ANKRD46: variants seen among roughly 807,000 people sequenced by gnomAD.
The protein encoded by ANKRD46 is ankyrin repeat domain-containing protein 46.
A neutral mutation model predicts 19.8 loss-of-function variants in ANKRD46; 13 were observed. The ratio of observed to expected loss-of-function variants is 0.66; its 90% CI spans 0.43 to 1.04. ANKRD46 has a LOEUF of 1.04. Ranked by LOEUF, ANKRD46 falls within the 50% of genes least tolerant of loss-of-function variation. ANKRD46 has a pLI of 0.00. For missense variants in ANKRD46, 185 were observed against 274.8 expected (o/e 0.67, Z 2.31); for synonymous variants, 91 against 106.9 (o/e 0.85, Z 0.92).
chr8:100,542,175 A>G (rs576476514), intron 1 of ANKRD46, among the ~76,000 whole-genome samples: 2 of 152,260 alleles, frequency 1.3e-5, no homozygotes, highest in South Asian at 2.1e-4. Flanking sequence ...GTGTGAAGCT[A>G]TGCAAATCAC....
chr8:100,515,294 T>TG (rs1237275716), intron 5 of ANKRD46, among the ~76,000 whole-genome samples: 1 of 152,212 alleles, frequency 6.6e-6, no homozygotes, highest in African/African-American at 2.4e-5. Flanking sequence ...ACATCATGCC[T>TG]GCTCTTGAAA....
chr8:100,548,352 C>T (rs1021182314), intron 1 of ANKRD46, among the ~76,000 whole-genome samples: 3 of 152,156 alleles, frequency 2.0e-5, no homozygotes, highest in Admixed American at 6.5e-5. Flanking sequence ...CTCAGAGGTG[C>T]ACTTACTTTT....
rs1812268729 is a variant in ANKRD46 at position 100,546,130 on chromosome 8, G to T, written c.-130-12819C>A. ...GGTAGAAAAGAAAACCCCATTTTCTGGGGAGAAACTCAAGCATGCTACAGA... is the reference window on the plus strand; with the variant it reads ...GGTAGAAAAGAAAACCCCATTTTCTTGGGAGAAACTCAAGCATGCTACAGA... On this transcript the variant is annotated intron_variant, in intron 1 of 4. Transcript: ENST00000335659. The surrounding 1 kb of genome is among the most constrained non-coding windows in gnomAD (Gnocchi z 4.0). Among the ~76,000 whole-genome samples, 1 of 151,108 alleles carries T rather than the reference G, an allele frequency of 6.6e-6. No homozygotes were observed. Among genetic ancestry groups the T allele is most frequent in the South Asian group, 2.1e-4 (1 of 4,830 alleles).
chr8:100,540,096 G>A (rs1052728060), intron 1 of ANKRD46, among the ~76,000 whole-genome samples: 35 of 152,160 alleles, frequency 2.3e-4, no homozygotes, highest in African/African-American at 8.4e-4. Context: ...AAGTTATACT[G>A]CAGGCACAGT....
chr8:100,551,549 A>G, intron 1 of ANKRD46: 1 of 789,266 alleles, frequency 1.3e-6, no homozygotes, highest in Non-Finnish European at 2.2e-6. Flanking sequence ...GGTGTGGTGG[A>G]ATTTGCCATG....
chr8:100,523,513 T>TA (rs976441195), intron 4 of ANKRD46, among the ~76,000 whole-genome samples: 4 of 152,168 alleles, frequency 2.6e-5, no homozygotes, highest in African/African-American at 4.8e-5. Context: ...ATCTTGAAGT[T>TA]AAAAGGGAAT....
intron 1 of ANKRD46, among the ~76,000 whole-genome samples, chr8:100,535,994 A>C (rs1812057869): frequency 6.6e-6 from 1 of 151,970 alleles, no homozygotes; most frequent in Non-Finnish European, 1.5e-5. Flanking sequence ...CCCCCATTCA[A>C]GAAGAATGTA....
At position 100,521,801 on chromosome 8, in the gene ANKRD46, G is replaced by A. The variant is rs1811728930; in HGVS notation, c.*754C>T. On this transcript the variant is annotated 3_prime_UTR_variant, in exon 5 of 5. Coordinates refer to ENST00000335659, the MANE Select transcript of ANKRD46 (RefSeq NM_001270377.2). ...AAAAGGATTTTCTGACTGTAATTCT[G>A]ATGAACTGTTATCTTTGATGACTAG... The A allele has an allele frequency of 1.0e-6, 1 of 985,172 alleles. No homozygotes were observed. Among genetic ancestry groups the A allele is most frequent in the African/African-American group, 1.7e-5 (1 of 57,228 alleles). 61.0% of individuals were successfully genotyped at this position (985,172 alleles called of 1,614,324 possible).
Position 100,532,791 on chromosome 8 carries a change from T to C in ANKRD46, c.-28+418A>G, listed in dbSNP as rs1811991934. Among the ~76,000 whole-genome samples, 1 of 152,256 alleles carries C rather than the reference T, an allele frequency of 6.6e-6. No individual in the cohort carries two copies. Among genetic ancestry groups the C allele is most frequent in the Admixed American group, 6.5e-5 (1 of 15,282 alleles). On this transcript the variant is annotated intron_variant, in intron 2 of 4. Transcript: ENST00000335659. This position sits in a 1 kb window ranked among gnomAD's most constrained non-coding sequence, Gnocchi z 4.7. ...CTGCAGGTTGGACAAGCTTGCACAG[T>C]ATTGAATCATAAAAATGGAAAAGCT...
chr8:100,539,656 T>C (rs1812135664), intron 1 of ANKRD46, among the ~76,000 whole-genome samples: 2 of 152,272 alleles, frequency 1.3e-5, no homozygotes, highest in Admixed American at 1.3e-4. Context: ...AACTTTTTGA[T>C]GTCTTCAATA....
At position 100,522,471 on chromosome 8, in the gene ANKRD46, G is replaced by C; in HGVS notation, c.*84C>G. On this transcript the variant is annotated 3_prime_UTR_variant, in exon 5 of 5. Transcript: ENST00000335659. The stretch of plus-strand genomic sequence containing the variant: ...ACATGTACTGCCCTCACTGCTTTGC[G>C]CTAAGAAAAATTCTGAGAAACTGAG... 6.4e-7 allele frequency: 1 copy of C among 1,556,112 alleles called. No homozygotes were observed. The highest frequency in any genetic ancestry group is 8.7e-7 in the Non-Finnish European group (1 of 1,151,986).
At chr8:100,515,892 A>G (rs1253366372), downstream of ANKRD46, among the ~76,000 whole-genome samples, 1 of 146,430 alleles carries the variant, frequency 6.8e-6, no homozygotes, top group African/African-American at 2.5e-5. Context: ...TTTTTTTGAG[A>G]TGGAGTTTCA....
chr8:100,541,047 C>T (rs2130684225), intron 1 of ANKRD46, among the ~76,000 whole-genome samples: 1 of 149,270 alleles, frequency 6.7e-6, no homozygotes, highest in South Asian at 2.2e-4. Context: ...GAAGTCTGTA[C>T]CTCCGAAGTT....
chr8:100,522,569 C>T lies in ANKRD46; in HGVS notation c.673G>A (p.Glu225Lys), dbSNP rs958363709. 12 of 1,613,980 alleles carry T rather than the reference C, an allele frequency of 7.4e-6. No homozygotes were observed. The Admixed American group carries it at 1.3e-4, about 18-fold the overall frequency. ...GVLPFVENQP[E>K]LVH The stretch of plus-strand genomic sequence containing the variant: ...CATGAGCTCCTTTAATGCACCAGTT[C>T]AGGCTGGTTTTCCACGAAGGGTAGC... Residue 225 changes from glutamate (E) to lysine (K), a missense_variant, in exon 5 of 5, where the codon GAA becomes AAA. Transcript: ENST00000335659.
In ANKRD46 at chr8:100,557,178, G is replaced by C. The variant is rs540010152; in HGVS notation, c.-131+2533C>G. Among the ~76,000 whole-genome samples the C allele has an allele frequency of 6.6e-6, 1 of 152,068 alleles. No homozygotes were observed. The highest frequency in any genetic ancestry group is 1.5e-5 in the Non-Finnish European group (1 of 68,022). On this transcript the variant is annotated intron_variant, in intron 1 of 4. Transcript: ENST00000335659. The surrounding 1 kb of genome is among the most constrained non-coding windows in gnomAD (Gnocchi z 5.9). ...AGTTGGACCTTTCTCTTCAACTCCCGTCTCTATAACCCCACTTGAACAGGC... is the reference window on the plus strand; with the variant it reads ...AGTTGGACCTTTCTCTTCAACTCCCCTCTCTATAACCCCACTTGAACAGGC...
At position 100,525,964 on chromosome 8, in the gene ANKRD46, C is replaced by T. The variant is rs1811833602; in HGVS notation, c.470+1881G>A. Among the ~76,000 whole-genome samples, 1 of 152,084 alleles carries T rather than the reference C, an allele frequency of 6.6e-6. No homozygotes were observed. Among genetic ancestry groups the T allele is most frequent in the South Asian group, 2.1e-4 (1 of 4,822 alleles). ...TGTGAAGTGGCATTTCACTATGGTC[C>T]TCATTTGCATTTTCCTAATGACATT... On this transcript the variant is annotated intron_variant, in intron 4 of 4. Transcript: ENST00000335659. This position sits in a 1 kb window ranked among gnomAD's most constrained non-coding sequence, Gnocchi z 4.4.
chr8:100,515,296 C>T (rs992989096), intron 5 of ANKRD46, among the ~76,000 whole-genome samples: 3 of 152,172 alleles, frequency 2.0e-5, no homozygotes, highest in African/African-American at 7.2e-5. Context: ...ATCATGCCTG[C>T]TCTTGAAACC....
intron 4 of ANKRD46, among the ~76,000 whole-genome samples, chr8:100,523,162 T>TG (rs1811768785): frequency 1.7e-5 from 1 of 59,836 alleles, no homozygotes; most frequent in South Asian, 3.9e-4. Context: ...ACACCATCTC[T>TG]ATTTTTTTTT....
rs1357744318 is a variant in ANKRD46, at chr8:100,537,138, T to C, written c.-130-3827A>G. Among the ~76,000 whole-genome samples, 1 of 152,228 alleles carries C rather than the reference T, an allele frequency of 6.6e-6. No individual in the cohort carries two copies. Among genetic ancestry groups the C allele is most frequent in the Non-Finnish European group, 1.5e-5 (1 of 68,028 alleles). ...CAATCTGTAAAACTTTAAGATATAA[T>C]AGTATTCTTAATGGTTAAGGACTAA... On this transcript the variant is annotated intron_variant, in intron 1 of 4. Coordinates refer to ENST00000335659, the MANE Select transcript of ANKRD46 (RefSeq NM_001270377.2). This position sits in a 1 kb window ranked among gnomAD's most constrained non-coding sequence, Gnocchi z 4.2.
Sources: allele counts gnomAD v4.1 joint callset (sites outside exome capture counted in the v4.1 genomes callset), GRCh38; gene constraint gnomAD v4.1.1; non-coding constraint Gnocchi (gnomAD v3.1); transcripts MANE v1.5; gene names NCBI Gene and HGNC (gene_info 2026-07-23, HGNC 2026-07-21).